DLG2: variants seen among roughly 807,000 people sequenced by gnomAD.
The protein encoded by DLG2 is disks large homolog 2.
In DLG2, 45 loss-of-function variants were observed where a neutral mutation model predicts 132.5. The observed-to-expected ratio is 0.34, with a 90% CI of 0.27 to 0.44. The LOEUF (loss-of-function observed/expected upper bound fraction) is 0.44. Among genes scored for constraint, DLG2 ranks in the 20% least tolerant of loss-of-function variants. The probability of loss-of-function intolerance (pLI) is 1.00; values close to 1 mark genes in which losing one functional copy is unlikely to be tolerated. For synonymous variants in DLG2, 424 were observed against 419.6 expected (o/e 1.01, Z -0.13); for missense variants, 1,045 against 1,196.9 (o/e 0.87, Z 1.87).
chr11:83,960,410 C>T (rs925227135), intron 14 of DLG2, among the ~76,000 whole-genome samples: 4 of 152,004 alleles, frequency 2.6e-5, no homozygotes, highest in South Asian at 4.1e-4. Context: ...AGATAGTTAA[C>T]ATTTAAAAAA....
chr11:84,742,481 CAA>C (rs976440723), intron 6 of DLG2, among the ~76,000 whole-genome samples: 2 of 152,086 alleles, frequency 1.3e-5, no homozygotes, highest in African/African-American at 4.8e-5. Context: ...AGGCGTTTTT[CAA>C]AAGACTTAAT....
intron 6 of DLG2, among the ~76,000 whole-genome samples, chr11:84,755,990 T>A (rs568826784): frequency 6.6e-6 from 1 of 152,308 alleles, no homozygotes; most frequent in East Asian, 1.9e-4. Flanking sequence ...TTCATCAGTA[T>A]ATAAAATTTG....
intron 14 of DLG2, among the ~76,000 whole-genome samples, chr11:83,936,940 T>C (rs1321665969): frequency 6.6e-6 from 1 of 152,188 alleles, no homozygotes; most frequent in Non-Finnish European, 1.5e-5. Flanking sequence ...ACAGGGTCAA[T>C]ATTATGGCCA....
At chr11:85,549,875 C>A (rs1328827697) in intron 3 of DLG2, among the ~76,000 whole-genome samples, 2 of 152,172 alleles carry the variant, frequency 1.3e-5, no homozygotes, top group Non-Finnish European at 2.9e-5. Flanking sequence ...CAGAAAGTTA[C>A]CCTATACAGT....
At chr11:84,944,125 T>C (rs2049871403) in intron 6 of DLG2, among the ~76,000 whole-genome samples, 1 of 152,186 alleles carries the variant, frequency 6.6e-6, no homozygotes, top group Non-Finnish European at 1.5e-5. Context: ...GTATGTTATT[T>C]GTTTCTTTTC....
chr11:85,105,485 G>T (rs185540985), intron 6 of DLG2, among the ~76,000 whole-genome samples: 7 of 151,780 alleles, frequency 4.6e-5, no homozygotes, highest in Non-Finnish European at 1.0e-4. Flanking sequence ...TGAAATTAGA[G>T]GCACTCTACA....
At chr11:83,848,804 A>C (rs1489082742) in intron 16 of DLG2, among the ~76,000 whole-genome samples, 1 of 152,170 alleles carries the variant, frequency 6.6e-6, no homozygotes, top group Non-Finnish European at 1.5e-5. Context: ...TGTGGCCCTC[A>C]TGGTCAGACT....
At position 83,950,906 on chromosome 11, in the gene DLG2, T is replaced by G. The variant is rs181253895; in HGVS notation, c.1340+11979A>C. On this transcript the variant is annotated intron_variant, in intron 14 of 27. Transcript: ENST00000376104. Reference sequence around the variant, plus strand: ...TATCACCTCTATTATATTTTTGGGTTTATTTGCCTGCCCCCCCCTCCACAC... The same window carrying G: ...TATCACCTCTATTATATTTTTGGGTGTATTTGCCTGCCCCCCCCTCCACAC... 2.5e-3 allele frequency among the ~76,000 whole-genome samples: 381 copies of G among 152,276 alleles called. 2 individuals carry two copies. The highest frequency in any genetic ancestry group is 8.9e-3 in the African/African-American group (368 of 41,558).
At chr11:84,378,063 T>C (rs564967854) in intron 7 of DLG2, among the ~76,000 whole-genome samples, 20 of 152,272 alleles carry the variant, frequency 1.3e-4, no homozygotes, top group Non-Finnish European at 2.1e-4. Flanking sequence ...ATAGACTGAA[T>C]GTTTATGTTC....
chr11:83,808,665 C>T (rs898221653), intron 17 of DLG2, among the ~76,000 whole-genome samples: 3 of 152,162 alleles, frequency 2.0e-5, no homozygotes, highest in African/African-American at 4.8e-5. Flanking sequence ...CTATCTTTTC[C>T]CTTTCCAAGT....
At chr11:85,227,161 G>T (rs1418215385) in intron 4 of DLG2, among the ~76,000 whole-genome samples, 1 of 152,010 alleles carries the variant, frequency 6.6e-6, no homozygotes, top group East Asian at 1.9e-4. Flanking sequence ...AGATTGCTGG[G>T]TCATCCTGGT....
At chr11:84,501,096 T>A (rs2099203295) in intron 7 of DLG2, among the ~76,000 whole-genome samples, 1 of 152,156 alleles carries the variant, frequency 6.6e-6, no homozygotes, top group Non-Finnish European at 1.5e-5. Context: ...AAACAGAAGG[T>A]AGTAATAGAA....
chr11:84,395,621 T>C (rs532150493), intron 7 of DLG2, among the ~76,000 whole-genome samples: 2 of 152,328 alleles, frequency 1.3e-5, no homozygotes, highest in Admixed American at 6.5e-5. Context: ...TTTTGCCATG[T>C]TGCCCAGGCT....
intron 6 of DLG2, among the ~76,000 whole-genome samples, chr11:84,689,214 A>AT (rs1416762248): frequency 6.6e-6 from 1 of 152,120 alleles, no homozygotes; most frequent in African/African-American, 2.4e-5. Flanking sequence ...TAAAATCATC[A>AT]TTTTGTGACA....
chr11:84,368,246 TG>T (rs2098692048), intron 7 of DLG2, among the ~76,000 whole-genome samples: 1 of 152,204 alleles, frequency 6.6e-6, no homozygotes, highest in African/African-American at 2.4e-5. Flanking sequence ...TCTTTTTATA[TG>T]CTCAATCTAC....
chr11:84,464,611 T>A (rs2099089176), intron 7 of DLG2, among the ~76,000 whole-genome samples: 1 of 151,108 alleles, frequency 6.6e-6, no homozygotes, highest in African/African-American at 2.4e-5. Flanking sequence ...AAATTATGAG[T>A]TTGCCTGCAT....
intron 10 of DLG2, among the ~76,000 whole-genome samples, chr11:84,097,971 C>G (rs1380297955): frequency 2.7e-5 from 4 of 150,312 alleles, no homozygotes; most frequent in African/African-American, 7.3e-5. Context: ...CAAGCAGCTA[C>G]TACTCTCTAT....
chr11:83,839,824 G>T lies in DLG2; in HGVS notation c.1566-6054C>A, dbSNP rs75860421. ...CATTTGAACCACATGGTTCAATACC[G>T]CATTCCATGCTGCCTTGCACTCTTC... On this transcript the variant is annotated intron_variant, in intron 16 of 27. Transcript: ENST00000376104. 5.6e-3 allele frequency among the ~76,000 whole-genome samples: 849 copies of T among 152,186 alleles called. 2 individuals are homozygous for T. The highest frequency in any genetic ancestry group is 8.5e-3 in the Non-Finnish European group (579 of 67,988).
intron 3 of DLG2, among the ~76,000 whole-genome samples, chr11:85,359,297 T>G (rs1431780015): frequency 6.6e-6 from 1 of 152,180 alleles, no homozygotes; most frequent in Non-Finnish European, 1.5e-5. Context: ...CTCTATAAAA[T>G]TCCACCAAGT....
Sources: gnomAD v4.1 joint callset for allele counts (sites outside exome capture counted in the v4.1 genomes callset) on GRCh38, gnomAD v4.1.1 for gene constraint, MANE v1.5 for transcripts, NCBI Gene and HGNC (gene_info 2026-07-23, HGNC 2026-07-21) for gene names.